Variants in APBA1 observed in about 807,000 individuals in gnomAD.
APBA1 encodes amyloid-beta A4 precursor protein-binding family A member 1.
APBA1 carries 55 observed loss-of-function variants against 86.6 expected under a neutral mutation model. That is an observed-to-expected ratio of 0.64 (90% CI 0.51 to 0.80). The LOEUF (loss-of-function observed/expected upper bound fraction) is 0.80. APBA1 is among the 30% of genes least tolerant of loss of function. The probability of loss-of-function intolerance (pLI) is 0.00; values close to 1 mark genes in which losing one functional copy is unlikely to be tolerated. For missense variants in APBA1, 1,090 were observed against 1,183.0 expected, an observed-to-expected ratio of 0.92 and a Z score of 1.15; for synonymous variants, 511 against 493.9, an observed-to-expected ratio of 1.03 and a Z score of -0.46.
intron 1 of APBA1, among the ~76,000 whole-genome samples, chr9:69,661,679 G>C (rs1263513655): frequency 6.6e-6 from 1 of 152,158 alleles, no homozygotes; most frequent in Non-Finnish European, 1.5e-5. Context: ...CATGGGGGGT[G>C]AATCTCTTAT....
At chr9:69,567,690 G>A (rs1837050180) in intron 1 of APBA1, among the ~76,000 whole-genome samples, 1 of 152,012 alleles carries the variant, frequency 6.6e-6, no homozygotes, top group Non-Finnish European at 1.5e-5. Flanking sequence ...CCAGGTCTGG[G>A]CCTCACGCTC....
chr9:69,658,174 G>T (rs1476544181), intron 1 of APBA1, among the ~76,000 whole-genome samples: 1 of 152,172 alleles, frequency 6.6e-6, no homozygotes, highest in Non-Finnish European at 1.5e-5. Flanking sequence ...TGGTTACCCT[G>T]TAGAGAGGCC....
intron 10 of APBA1, among the ~76,000 whole-genome samples, chr9:69,446,713 T>TG (rs1232758098): frequency 2.0e-5 from 3 of 152,174 alleles, no homozygotes; most frequent in African/African-American, 7.2e-5. Flanking sequence ...ACTGGCCAGC[T>TG]GGGGGCCCTG....
At chr9:69,558,166 G>A (rs1351533654) in intron 1 of APBA1, among the ~76,000 whole-genome samples, 1 of 152,118 alleles carries the variant, frequency 6.6e-6, no homozygotes, top group Non-Finnish European at 1.5e-5. Context: ...TGGCAGTAAT[G>A]TGGTTTTTAT....
intron 1 of APBA1, among the ~76,000 whole-genome samples, chr9:69,526,668 T>C (rs895113534): frequency 6.6e-6 from 1 of 152,020 alleles, no homozygotes; most frequent in East Asian, 1.9e-4. Context: ...TGGAGATTTC[T>C]CAGAGAACTA....
At chr9:69,621,853 T>C (rs765257576) in intron 1 of APBA1, among the ~76,000 whole-genome samples, 5 of 152,166 alleles carry the variant, frequency 3.3e-5, no homozygotes, top group Non-Finnish European at 5.9e-5. Flanking sequence ...TACTAGTGAA[T>C]AAACCATAGC....
intron 1 of APBA1, among the ~76,000 whole-genome samples, chr9:69,637,831 C>G (rs924597953): frequency 6.6e-6 from 1 of 152,152 alleles, no homozygotes; most frequent in African/African-American, 2.4e-5. Flanking sequence ...AATAGGAAAG[C>G]TGGATCATGC....
chr9:69,511,467 T>C (rs1836038781), intron 2 of APBA1, among the ~76,000 whole-genome samples: 1 of 152,130 alleles, frequency 6.6e-6, no homozygotes, highest in Non-Finnish European at 1.5e-5. Flanking sequence ...ACTTTTACAC[T>C]GTTGGTGGTA....
At chr9:69,550,430 ATTATT>A (rs1195161062) in intron 1 of APBA1, among the ~76,000 whole-genome samples, 3 of 152,044 alleles carry the variant, frequency 2.0e-5, no homozygotes, top group East Asian at 1.9e-4. Context: ...TTGTTCCCAT[ATTATT>A]TTATAAGTGC....
At chr9:69,548,007 G>A (rs979079024) in intron 1 of APBA1, among the ~76,000 whole-genome samples, 1 of 152,208 alleles carries the variant, frequency 6.6e-6, no homozygotes, top group African/African-American at 2.4e-5. Context: ...AAAATGGGGA[G>A]ATTATCCTGG....
chr9:69,537,716 G>T (rs1241755231), intron 1 of APBA1, among the ~76,000 whole-genome samples: 3 of 151,878 alleles, frequency 2.0e-5, no homozygotes, highest in African/African-American at 4.8e-5. Context: ...CAATAAGGTG[G>T]CCCTTTTTCA....
intron 1 of APBA1, among the ~76,000 whole-genome samples, chr9:69,630,385 G>A (rs1823018389): frequency 6.6e-6 from 1 of 152,124 alleles, no homozygotes; most frequent in Admixed American, 6.6e-5. Context: ...TCCTCTTCCT[G>A]TCTATGGACT....
chr9:69,574,447 T>A (rs961233266), intron 1 of APBA1, among the ~76,000 whole-genome samples: 21 of 152,288 alleles, frequency 1.4e-4, no homozygotes, highest in African/African-American at 5.1e-4. Context: ...CAGAATAGAC[T>A]TGGATTAATA....
intron 2 of APBA1, among the ~76,000 whole-genome samples, chr9:69,512,909 G>A (rs1836074937): frequency 6.6e-6 from 1 of 151,944 alleles, no homozygotes; most frequent in Admixed American, 6.6e-5. Flanking sequence ...CAGCATACAT[G>A]GAGAACTAGT....
rs1404528668 is a variant in APBA1 at position 69,553,885 on chromosome 9, A to ACAC, written c.-69-36609_-69-36607dup. On this transcript the variant is annotated intron_variant, in intron 1 of 12. Transcript: ENST00000265381. ...ATTTGGTTCAGCGTGGTGCTAATAA[A>ACAC]CACACAAGTGTGGACTGAATCTTAT... 5.9e-5 allele frequency among the ~76,000 whole-genome samples: 9 copies of ACAC among 152,324 alleles called. No homozygotes were observed. In the East Asian group the frequency reaches 1.7e-3, roughly 29 times the overall value.
intron 1 of APBA1, among the ~76,000 whole-genome samples, chr9:69,647,589 C>A (rs1823417207): frequency 6.6e-6 from 1 of 152,144 alleles, no homozygotes; most frequent in Admixed American, 6.5e-5. Flanking sequence ...ATATTTTCCT[C>A]TAACTTATTA....
At chr9:69,658,702 T>C (rs2134024035) in intron 1 of APBA1, among the ~76,000 whole-genome samples, 1 of 151,954 alleles carries the variant, frequency 6.6e-6, no homozygotes, top group East Asian at 1.9e-4. Context: ...ACTGCACCTG[T>C]CCTCAAGTCC....
At chr9:69,575,149 C>A (rs1821761362) in intron 1 of APBA1, among the ~76,000 whole-genome samples, 1 of 152,080 alleles carries the variant, frequency 6.6e-6, no homozygotes, top group Non-Finnish European at 1.5e-5. Context: ...AACTCCTGGG[C>A]TCAAGCAATC....
At chr9:69,450,215 C>T (rs1189021374) in intron 9 of APBA1, among the ~76,000 whole-genome samples, 1 of 151,828 alleles carries the variant, frequency 6.6e-6, no homozygotes, top group East Asian at 1.9e-4. Context: ...CAATTCGCTC[C>T]GACATTTAAT....
Sources: gnomAD v4.1 joint callset for allele counts (sites outside exome capture counted in the v4.1 genomes callset) on GRCh38, gnomAD v4.1.1 for gene constraint, MANE v1.5 for transcripts, NCBI Gene and HGNC (gene_info 2026-07-23, HGNC 2026-07-21) for gene names.